CLASP2: variants seen among roughly 807,000 people sequenced by gnomAD.
CLASP2 encodes CLIP-associating protein 2.
A neutral mutation model predicts 194.4 loss-of-function variants in CLASP2; 47 were observed. That is an observed-to-expected ratio of 0.24 (90% CI 0.19 to 0.31). CLASP2 has a LOEUF of 0.31. CLASP2 is among the 10% of genes least tolerant of loss of function. CLASP2 has a pLI of 1.00. For synonymous variants in CLASP2, 619 were observed against 633.5 expected (o/e 0.98, Z 0.34); for missense variants, 1,445 against 1,823.6 (o/e 0.79, Z 3.78).
intron 34 of CLASP2, among the ~76,000 whole-genome samples, chr3:33,521,882 C>T (rs2053193974): frequency 7.1e-6 from 1 of 140,156 alleles, no homozygotes; most frequent in Admixed American, 8.2e-5. Context: ...TACCCACTCC[C>T]CCCTCCACCA....
chr3:33,671,650 T>C (rs1468170904), intron 6 of CLASP2, among the ~76,000 whole-genome samples: 1 of 152,114 alleles, frequency 6.6e-6, no homozygotes, highest in Non-Finnish European at 1.5e-5. Context: ...ATTGCCTCAC[T>C]TGGGAAGCAC....
intron 36 of CLASP2, among the ~76,000 whole-genome samples, chr3:33,512,847 T>C (rs35599706): frequency 0.39 from 59,313 of 151,636 alleles, 11,871 homozygotes; most frequent in Admixed American, 0.5. Context: ...AAAATTAGCA[T>C]GGTGTGGTGG....
chr3:33,627,260 C>CTT, intron 9 of CLASP2, 180 bp from the exon 10 acceptor site: 2 of 599,826 alleles, frequency 3.3e-6, no homozygotes. Flanking sequence ...TATTTTTCTT[C>CTT]CTTACTTGTT....
rs111917151 is a variant in CLASP2 at position 33,592,601 on chromosome 3, T to A, written c.1967-105A>T. The A allele has an allele frequency of 4.8e-3, 4,118 of 865,316 alleles. 112 individuals carry two copies. In the African/African-American group the frequency reaches 0.061, roughly 13 times the overall value. The allele number at this position is 865,316 out of a possible 1,614,324, so 53.6% of individuals were successfully genotyped here. ...TTTTAGGTACTGCCAAATTCTGTAATAATGTAATCATCAATTACGGGTTCT... is the reference window on the plus strand; with the variant it reads ...TTTTAGGTACTGCCAAATTCTGTAAAAATGTAATCATCAATTACGGGTTCT... On this transcript the variant is annotated intron_variant, in intron 20 of 38. Coordinates refer to ENST00000682230, the MANE Select transcript of CLASP2 (RefSeq NM_001365631.1).
Position 33,497,282 on chromosome 3 carries a change from T to C in CLASP2, c.*1349A>G, listed in dbSNP as rs964404603. 1 of 152,556 alleles carries C rather than the reference T, an allele frequency of 6.6e-6. No homozygotes were observed. The highest frequency in any genetic ancestry group is 1.5e-5 in the Non-Finnish European group (1 of 68,002). 9.5% of individuals were successfully genotyped at this position (152,556 alleles called of 1,614,324 possible). A position where few individuals can be genotyped will look rare whatever the true frequency, so the allele number is the denominator to read the frequency against. On this transcript the variant is annotated 3_prime_UTR_variant, in exon 39 of 39. Coordinates refer to ENST00000682230, the MANE Select transcript of CLASP2 (RefSeq NM_001365631.1). ...CAACAATGGCAAACTGCTTCCCTAA[T>C]AGCTATTTGCCTTTTCAATCAAATT...
intron 5 of CLASP2, among the ~76,000 whole-genome samples, chr3:33,686,785 G>T (rs912556630): frequency 6.6e-6 from 1 of 152,124 alleles, no homozygotes; most frequent in African/African-American, 2.4e-5. Flanking sequence ...GCAGGGAATC[G>T]AAGCTCTTTG....
chr3:33,705,488 C>T (rs1025157785), intron 1 of CLASP2, among the ~76,000 whole-genome samples: 2 of 152,018 alleles, frequency 1.3e-5, no homozygotes, highest in Non-Finnish European at 2.9e-5. Flanking sequence ...GGTGCACAAA[C>T]CTGTAGCTAT....
chr3:33,692,840 T>C (rs971871877), intron 2 of CLASP2, among the ~76,000 whole-genome samples: 4 of 152,172 alleles, frequency 2.6e-5, no homozygotes, highest in Non-Finnish European at 5.9e-5. Context: ...AGACTGGAAT[T>C]TGGACAATGA....
chr3:33,670,023 C>T (rs924944755), intron 6 of CLASP2, among the ~76,000 whole-genome samples: 14 of 152,104 alleles, frequency 9.2e-5, no homozygotes, highest in African/African-American at 3.4e-4. Flanking sequence ...AACTATAAGG[C>T]TATCAAAAAG....
intron 6 of CLASP2, among the ~76,000 whole-genome samples, chr3:33,672,792 A>G (rs1165266604): frequency 1.3e-5 from 2 of 152,250 alleles, no homozygotes; most frequent in Admixed American, 6.5e-5. Context: ...CTACATGAAA[A>G]ATGCAGAAGC....
At chr3:33,616,392 T>C (rs2076165916) in intron 12 of CLASP2, among the ~76,000 whole-genome samples, 1 of 152,102 alleles carries the variant, frequency 6.6e-6, no homozygotes, top group Non-Finnish European at 1.5e-5. Context: ...ATTCACAAAA[T>C]ACTTATTCAT....
At chr3:33,645,348 G>C (rs1295311179) in intron 7 of CLASP2, 1 of 764,764 alleles carries the variant, frequency 1.3e-6, no homozygotes, top group African/African-American at 1.7e-5. Context: ...CCTCACCCTA[G>C]GAGGCTCCCA....
intron 36 of CLASP2, among the ~76,000 whole-genome samples, chr3:33,512,557 TA>T (rs71070140): frequency 0.13 from 1,667 of 12,466 alleles, 38 homozygotes; most frequent in African/African-American, 0.19. Flanking sequence ...TAGAGTATAA[TA>T]AAAAAAAAAA....
intron 34 of CLASP2, among the ~76,000 whole-genome samples, chr3:33,529,507 A>G (rs1403828941): frequency 6.6e-6 from 1 of 152,198 alleles, no homozygotes; most frequent in East Asian, 1.9e-4. Context: ...GAGAGCCAGA[A>G]ATTAGACTGC....
At chr3:33,623,915 C>G (rs1426178488) in intron 10 of CLASP2, among the ~76,000 whole-genome samples, 1 of 152,102 alleles carries the variant, frequency 6.6e-6, no homozygotes, top group Non-Finnish European at 1.5e-5. Flanking sequence ...AGCCAATATC[C>G]TACTGAACAG....
chr3:33,594,624 CAT>C (rs772603906), intron 20 of CLASP2, among the ~76,000 whole-genome samples: 1 of 151,360 alleles, frequency 6.6e-6, no homozygotes, highest in Non-Finnish European at 1.5e-5. Context: ...AAAACACAAA[CAT>C]GTAAGAAAAG....
intron 18 of CLASP2, among the ~76,000 whole-genome samples, chr3:33,598,493 T>G (rs2071112225): frequency 6.6e-6 from 1 of 152,120 alleles, no homozygotes; most frequent in Non-Finnish European, 1.5e-5. Flanking sequence ...CATATCCCAT[T>G]CCTCACACCT....
chr3:33,551,736 G>A (rs1365782431), intron 29 of CLASP2, among the ~76,000 whole-genome samples: 2 of 152,110 alleles, frequency 1.3e-5, no homozygotes, highest in Non-Finnish European at 1.5e-5. Context: ...CATTCCCCAA[G>A]TTTGAACAAC....
chr3:33,554,683 CAA>C, intron 29 of CLASP2: 1 of 153,706 alleles, frequency 6.5e-6, no homozygotes, highest in East Asian at 1.9e-4. Context: ...GCCTTCTGGC[CAA>C]GTGTCTGCAA....
Sources: gnomAD v4.1 joint callset for allele counts (sites outside exome capture counted in the v4.1 genomes callset) on GRCh38, gnomAD v4.1.1 for gene constraint, MANE v1.5 for transcripts, NCBI Gene and HGNC (gene_info 2026-07-23, HGNC 2026-07-21) for gene names.